The following SORCS3 variants were observed in gnomAD, a reference collection of about 807,000 sequenced individuals.
The protein encoded by SORCS3 is sortilin related VPS10 domain containing receptor 3.
A neutral mutation model predicts 146.3 loss-of-function variants in SORCS3; 57 were observed. The observed-to-expected ratio is 0.39, with a 90% CI of 0.31 to 0.49. The LOEUF is 0.49. Ranked by LOEUF, SORCS3 falls within the 20% of genes least tolerant of loss-of-function variation. SORCS3 has a pLI of 0.92. For missense variants in SORCS3, 1,341 were observed against 1,575.5 expected, an observed-to-expected ratio of 0.85 and a Z score of 2.52; for synonymous variants, 653 against 618.5, an observed-to-expected ratio of 1.06 and a Z score of -0.83.
intron 3 of SORCS3, among the ~76,000 whole-genome samples, chr10:104,916,674 A>C (rs1308971476): frequency 2.6e-5 from 4 of 152,152 alleles, no homozygotes; most frequent in Admixed American, 2.0e-4. Flanking sequence ...CCAGCTAAGA[A>C]AGCACTGCTA....
At chr10:104,933,090 A>G (rs991728271) in intron 3 of SORCS3, among the ~76,000 whole-genome samples, 3 of 152,142 alleles carry the variant, frequency 2.0e-5, no homozygotes, top group Non-Finnish European at 4.4e-5. Flanking sequence ...TAGGAATCAT[A>G]ATACTTCCCT....
intron 3 of SORCS3, among the ~76,000 whole-genome samples, chr10:104,930,400 G>T (rs764013536): frequency 1.6e-4 from 24 of 152,170 alleles, no homozygotes; most frequent in Non-Finnish European, 3.2e-4. Context: ...TGGGTACCAT[G>T]ACCCTCTAGA....
intron 4 of SORCS3, among the ~76,000 whole-genome samples, chr10:104,987,066 G>A (rs533865795): frequency 5.9e-5 from 9 of 152,006 alleles, no homozygotes; most frequent in South Asian, 4.2e-4. Context: ...ATGCCTGTAC[G>A]CATTACATAT....
intron 1 of SORCS3, among the ~76,000 whole-genome samples, chr10:104,792,180 G>C (rs1270129346): frequency 6.6e-6 from 1 of 152,122 alleles, no homozygotes; most frequent in Non-Finnish European, 1.5e-5. Flanking sequence ...TCATGTTTTT[G>C]GGGTGGTTCT....
chr10:104,827,305 T>A (rs987238504), intron 1 of SORCS3, among the ~76,000 whole-genome samples: 23 of 151,388 alleles, frequency 1.5e-4, no homozygotes, highest in Non-Finnish European at 2.5e-4. Context: ...TGTATTTTTT[T>A]AAAAAAATAA....
intron 20 of SORCS3, among the ~76,000 whole-genome samples, chr10:105,242,349 T>C (rs1231695374): frequency 7.8e-6 from 1 of 127,540 alleles, no homozygotes; most frequent in African/African-American, 3.0e-5. Flanking sequence ...TATATATTTA[T>C]ACATATATTT....
chr10:104,946,286 T>C (rs889095956), intron 3 of SORCS3, among the ~76,000 whole-genome samples: 3 of 151,994 alleles, frequency 2.0e-5, no homozygotes, highest in Non-Finnish European at 4.4e-5. Flanking sequence ...TGTTTCTGCT[T>C]TGGTGCTTAG....
At chr10:104,751,969 A>ATATATATATAT (rs3976798) in intron 1 of SORCS3, among the ~76,000 whole-genome samples, 195 of 123,298 alleles carry the variant, frequency 1.6e-3, no homozygotes, top group East Asian at 2.3e-3. Flanking sequence ...ATATATATAT[A>ATATATATATAT]ATAGTTTAGC....
intron 4 of SORCS3, among the ~76,000 whole-genome samples, chr10:105,031,332 A>AACACAC (rs371026666): frequency 1.6e-4 from 18 of 113,466 alleles, no homozygotes; most frequent in East Asian, 1.2e-3. Flanking sequence ...CACACACACA[A>AACACAC]ACACACACAC....
At chr10:105,218,524 G>A (rs1162340984) in intron 19 of SORCS3, among the ~76,000 whole-genome samples, 1 of 152,170 alleles carries the variant, frequency 6.6e-6, no homozygotes, top group African/African-American at 2.4e-5. Context: ...TAGGCAAAGT[G>A]GTGAGAACCA....
intron 1 of SORCS3, among the ~76,000 whole-genome samples, chr10:104,769,793 C>G (rs2017225961): frequency 6.6e-6 from 1 of 152,066 alleles, no homozygotes; most frequent in Non-Finnish European, 1.5e-5. Context: ...ATAGGACTTT[C>G]CCTGTATGTG....
At chr10:105,193,852 G>T (rs991959324) in intron 14 of SORCS3, among the ~76,000 whole-genome samples, 3 of 152,104 alleles carry the variant, frequency 2.0e-5, no homozygotes, top group Non-Finnish European at 2.9e-5. Flanking sequence ...TGTAACCAGA[G>T]TCATGTTAGC....
At chr10:105,002,274 G>A (rs1212692478) in intron 4 of SORCS3, among the ~76,000 whole-genome samples, 1 of 152,146 alleles carries the variant, frequency 6.6e-6, no homozygotes, top group Non-Finnish European at 1.5e-5. Context: ...TTCATATGAA[G>A]CCGTTTCTCA....
intron 4 of SORCS3, among the ~76,000 whole-genome samples, chr10:105,012,219 C>T (rs2133681842): frequency 6.6e-6 from 1 of 152,272 alleles, no homozygotes; most frequent in Non-Finnish European, 1.5e-5. Context: ...TTCTGTCTCC[C>T]TAGTGCTAGG....
At position 105,015,877 on chromosome 10, in the gene SORCS3, A is replaced by C. The variant is rs1322430684; in HGVS notation, c.955-27178A>C. 2.0e-5 allele frequency among the ~76,000 whole-genome samples: 3 copies of C among 151,252 alleles called. No homozygotes were observed. In the East Asian group the frequency reaches 5.9e-4, roughly 30 times the overall value. On this transcript the variant is annotated intron_variant, in intron 4 of 26. Transcript: ENST00000369701. The stretch of plus-strand genomic sequence containing the variant: ...CCTGAGTAGCTGGGATTACAGGCGC[A>C]CACCACCATGCCTGGCTAATTTTTA...
At chr10:105,093,485 C>T (rs1171858979) in intron 6 of SORCS3, among the ~76,000 whole-genome samples, 1 of 152,032 alleles carries the variant, frequency 6.6e-6, no homozygotes, top group African/African-American at 2.4e-5. Flanking sequence ...GGAGAAAATA[C>T]ATGCAAATCA....
At chr10:105,007,990 G>A (rs1159121406) in intron 4 of SORCS3, among the ~76,000 whole-genome samples, 1 of 152,134 alleles carries the variant, frequency 6.6e-6, no homozygotes, top group Admixed American at 6.5e-5. Context: ...ATGGGGTGGG[G>A]GGATGTGTAG....
At chr10:104,838,588 G>A (rs2018100416) in intron 1 of SORCS3, among the ~76,000 whole-genome samples, 1 of 152,120 alleles carries the variant, frequency 6.6e-6, no homozygotes, top group Non-Finnish European at 1.5e-5. Context: ...CTTTTCCTCT[G>A]GGGAATGCTG....
At chr10:105,015,345 A>G (rs551767746) in intron 4 of SORCS3, among the ~76,000 whole-genome samples, 2 of 152,232 alleles carry the variant, frequency 1.3e-5, no homozygotes, top group Non-Finnish European at 2.9e-5. Context: ...TTGTTATAGC[A>G]AAAAGGCTGG....
Sources: gnomAD v4.1 joint callset for allele counts (sites outside exome capture counted in the v4.1 genomes callset) on GRCh38, gnomAD v4.1.1 for gene constraint, MANE v1.5 for transcripts, NCBI Gene and HGNC (gene_info 2026-07-23, HGNC 2026-07-21) for gene names.